CPQ: variants seen among roughly 807,000 people sequenced by gnomAD.
The protein encoded by CPQ is Ser-Met dipeptidase.
In CPQ, 37 loss-of-function variants were observed where a neutral mutation model predicts 45.7. That is an observed-to-expected ratio of 0.81 (90% CI 0.62 to 1.07). CPQ has a LOEUF of 1.07. Ranked by LOEUF, CPQ falls within the 50% of genes least tolerant of loss-of-function variation. CPQ has a pLI of 0.00. For synonymous variants in CPQ, 186 were observed against 205.8 expected (o/e 0.90, Z 0.82); for missense variants, 537 against 572.9 (o/e 0.94, Z 0.64).
intron 3 of CPQ, among the ~76,000 whole-genome samples, chr8:96,853,719 A>G (rs1025772376): frequency 3.3e-5 from 5 of 151,888 alleles, no homozygotes; most frequent in Admixed American, 1.3e-4. Flanking sequence ...TTGTGAGTGA[A>G]TAAATAAATA....
chr8:96,925,603 G>A (rs893672902), intron 4 of CPQ, among the ~76,000 whole-genome samples: 13 of 151,624 alleles, frequency 8.6e-5, no homozygotes, highest in Admixed American at 2.0e-4. Flanking sequence ...GGCTGGTCTC[G>A]ACCTCCTGAC....
At chr8:96,827,029 A>G (rs1280823199) in intron 2 of CPQ, among the ~76,000 whole-genome samples, 1 of 151,936 alleles carries the variant, frequency 6.6e-6, no homozygotes, top group Non-Finnish European at 1.5e-5. Flanking sequence ...ACAATGCCAA[A>G]TCTTGCAATG....
At chr8:96,708,433 G>A (rs1250297248) in intron 1 of CPQ, among the ~76,000 whole-genome samples, 171 of 126,944 alleles carry the variant, frequency 1.3e-3, no homozygotes, top group African/African-American at 4.3e-3. Context: ...GTGTGTGTGT[G>A]TGTGTATATA....
rs1329312470 is a variant in CPQ at position 97,013,195 on chromosome 8, G to A, written c.962-16208G>A. On this transcript the variant is annotated intron_variant, in intron 5 of 7. Coordinates refer to ENST00000220763, the MANE Select transcript of CPQ (RefSeq NM_016134.4). ...CTCAAGAGGCTGAGGCAGGAGAATC[G>A]CTTGAACCTGGGGGGCAGAGGTTGC... 6.6e-5 allele frequency among the ~76,000 whole-genome samples: 10 copies of A among 152,000 alleles called. 1 individual carries two copies. In the South Asian group the frequency reaches 1.0e-3, roughly 16 times the overall value.
intron 6 of CPQ, among the ~76,000 whole-genome samples, chr8:97,038,477 G>C (rs953587421): frequency 2.6e-5 from 4 of 152,158 alleles, no homozygotes; most frequent in Admixed American, 1.3e-4. Context: ...TGGCACACCA[G>C]GATGCACAAA....
intron 4 of CPQ, among the ~76,000 whole-genome samples, chr8:96,948,688 T>A (rs1195222563): frequency 1.3e-5 from 2 of 152,154 alleles, no homozygotes; most frequent in Non-Finnish European, 2.9e-5. Context: ...ATGTCCTCTG[T>A]TTCCTTACTT....
intron 4 of CPQ, among the ~76,000 whole-genome samples, chr8:96,920,921 G>C (rs1424418193): frequency 6.6e-6 from 1 of 152,174 alleles, no homozygotes; most frequent in Non-Finnish European, 1.5e-5. Flanking sequence ...CTGTCTGTGG[G>C]ATTTTGTTAC....
At chr8:97,094,593 G>C (rs1316103602) in intron 7 of CPQ, among the ~76,000 whole-genome samples, 1 of 152,004 alleles carries the variant, frequency 6.6e-6, no homozygotes, top group East Asian at 1.9e-4. Context: ...TGTTCCTATA[G>C]CATGTGTTCC....
At chr8:97,094,987 T>C (rs535316861) in intron 7 of CPQ, among the ~76,000 whole-genome samples, 48 of 152,300 alleles carry the variant, frequency 3.2e-4, no homozygotes, top group African/African-American at 9.4e-4. Flanking sequence ...AGCATTGACA[T>C]AGTTGACCAC....
At chr8:96,922,798 C>T (rs1812826208) in intron 4 of CPQ, among the ~76,000 whole-genome samples, 1 of 152,276 alleles carries the variant, frequency 6.6e-6, no homozygotes, top group South Asian at 2.1e-4. Flanking sequence ...AAACTCCTCT[C>T]AAGTGAATAC....
intron 3 of CPQ, among the ~76,000 whole-genome samples, chr8:96,877,187 A>C (rs1417958728): frequency 6.6e-6 from 1 of 152,178 alleles, no homozygotes; most frequent in African/African-American, 2.4e-5. Flanking sequence ...CTGAGTCTTC[A>C]TTTTGCCTCC....
At chr8:97,101,643 T>A (rs1490897770) in intron 7 of CPQ, among the ~76,000 whole-genome samples, 1 of 150,300 alleles carries the variant, frequency 6.7e-6, no homozygotes. Context: ...GGCCATTATG[T>A]CTCTTTGAGA....
chr8:97,141,418 A>T lies in CPQ; in HGVS notation c.1256-1602A>T, dbSNP rs578051015. Among the ~76,000 whole-genome samples, 43 of 152,278 alleles carry T rather than the reference A, an allele frequency of 2.8e-4. 1 individual carries two copies. In the South Asian group the frequency reaches 8.7e-3, roughly 31 times the overall value. On this transcript the variant is annotated intron_variant, in intron 7 of 7. Transcript: ENST00000220763. ...GAAAACACACATAAATGACAAAAAAATCCACATGTAAAAACATACTTAATC... is the reference window on the plus strand; with the variant it reads ...GAAAACACACATAAATGACAAAAAATTCCACATGTAAAAACATACTTAATC...
chr8:97,102,786 T>C (rs1335240729), intron 7 of CPQ, among the ~76,000 whole-genome samples: 2 of 152,218 alleles, frequency 1.3e-5, no homozygotes, highest in African/African-American at 4.8e-5. Context: ...GATGCTTAGT[T>C]GACTATATTA....
chr8:96,848,290 G>A (rs919804764), intron 3 of CPQ, among the ~76,000 whole-genome samples: 2 of 151,998 alleles, frequency 1.3e-5, no homozygotes, highest in African/African-American at 4.8e-5. Flanking sequence ...ACATAATTTG[G>A]GGGCCTCTTT....
chr8:96,754,308 C>T (rs907493434), intron 1 of CPQ, among the ~76,000 whole-genome samples: 3 of 152,136 alleles, frequency 2.0e-5, no homozygotes, highest in Middle Eastern at 3.4e-3. Context: ...CTTTAATATG[C>T]TAATACATGC....
At chr8:96,867,643 C>T (rs1055207811) in intron 3 of CPQ, among the ~76,000 whole-genome samples, 1 of 151,952 alleles carries the variant, frequency 6.6e-6, no homozygotes, top group Non-Finnish European at 1.5e-5. Context: ...TACCTTTCCC[C>T]TATTTTTTAA....
chr8:96,779,903 A>G (rs1029282990), intron 1 of CPQ, among the ~76,000 whole-genome samples: 1 of 152,324 alleles, frequency 6.6e-6, no homozygotes, highest in African/African-American at 2.4e-5. Flanking sequence ...GACCCTATGC[A>G]TATAAATAGT....
chr8:96,880,486 A>G lies in CPQ; in HGVS notation c.849+481A>G, dbSNP rs192129685. On this transcript the variant is annotated intron_variant, in intron 4 of 7. Transcript: ENST00000220763. ...ATGGAATCAACCTAGGTGCCCATCA[A>G]TGGTGGGCTGGCTAAAAAACAAATA... 1.4e-3 allele frequency among the ~76,000 whole-genome samples: 201 copies of G among 144,542 alleles called. 4 individuals are homozygous for G. Among genetic ancestry groups the G allele is most frequent in the Admixed American group, 0.01 (148 of 14,268 alleles). The allele number at this position is 144,542 out of a possible 152,430, so 94.8% of individuals were successfully genotyped here.
Sources: gnomAD v4.1 joint callset for allele counts (sites outside exome capture counted in the v4.1 genomes callset) on GRCh38, gnomAD v4.1.1 for gene constraint, MANE v1.5 for transcripts, NCBI Gene and HGNC (gene_info 2026-07-23, HGNC 2026-07-21) for gene names.